Variants in PTPRK observed in about 807,000 individuals in gnomAD.
The protein encoded by PTPRK is receptor-type tyrosine-protein phosphatase kappa.
PTPRK carries 75 observed loss-of-function variants against 178.0 expected under a neutral mutation model. The ratio of observed to expected loss-of-function variants is 0.42; its 90% CI spans 0.35 to 0.51. PTPRK has a LOEUF of 0.51. Ranked by LOEUF, PTPRK falls within the 20% of genes least tolerant of loss-of-function variation. The pLI is 0.02. For synonymous variants in PTPRK, 637 were observed against 620.6 expected (o/e 1.03, Z -0.39); for missense variants, 1,441 against 1,797.8 (o/e 0.80, Z 3.59).
intron 6 of PTPRK, among the ~76,000 whole-genome samples, chr6:128,187,519 C>T (rs916183766): frequency 6.6e-6 from 1 of 152,188 alleles, no homozygotes; most frequent in Admixed American, 6.6e-5. Flanking sequence ...CATACACCAA[C>T]AAGCCCTGTG....
At chr6:128,385,016 C>A (rs1042737522) in intron 2 of PTPRK, among the ~76,000 whole-genome samples, 3 of 149,782 alleles carry the variant, frequency 2.0e-5, no homozygotes, top group African/African-American at 7.3e-5. Context: ...CTTGGAAGAG[C>A]TGAGTTTCCT....
At chr6:128,219,887 T>C (rs1378989276) in intron 5 of PTPRK, among the ~76,000 whole-genome samples, 1 of 152,216 alleles carries the variant, frequency 6.6e-6, no homozygotes. Context: ...AAACTAATGA[T>C]GAATAATTTA....
chr6:128,272,905 G>C (rs1820088827), intron 3 of PTPRK, among the ~76,000 whole-genome samples: 2 of 152,088 alleles, frequency 1.3e-5, no homozygotes, highest in African/African-American at 2.4e-5. Flanking sequence ...AAGACACACG[G>C]ACACGTATGT....
intron 7 of PTPRK, among the ~76,000 whole-genome samples, chr6:128,149,023 A>C (rs1392007481): frequency 6.6e-6 from 1 of 151,992 alleles, no homozygotes; most frequent in Non-Finnish European, 1.5e-5. Flanking sequence ...ATCTTACATA[A>C]ATGACTGATA....
At chr6:128,151,818 G>T (rs1583236189) in intron 7 of PTPRK, among the ~76,000 whole-genome samples, 2 of 151,842 alleles carry the variant, frequency 1.3e-5, no homozygotes, top group Non-Finnish European at 2.9e-5. Context: ...TACTATAGAG[G>T]CAAGAATGAT....
chr6:128,075,399 C>T (rs920608805), intron 11 of PTPRK, among the ~76,000 whole-genome samples: 3 of 152,004 alleles, frequency 2.0e-5, no homozygotes, highest in Admixed American at 6.6e-5. Flanking sequence ...CCAGCTTCAG[C>T]TGCTGTCAAT....
chr6:128,520,444 G>C lies in PTPRK; in HGVS notation c.-86C>G, dbSNP rs1415366264. 1.5e-6 allele frequency: 2 copies of C among 1,336,932 alleles called. No individual in the cohort carries two copies. Among genetic ancestry groups the C allele is most frequent in the Non-Finnish European group, 2.1e-6 (2 of 955,704 alleles). The allele number at this position is 1,336,932 out of a possible 1,614,324, so 82.8% of individuals were successfully genotyped here. ...AATCCACGACGGAGGAGCGGGCCGGGCCTCGCGGGGTGAGGACGGTGAGAG... is the reference window on the plus strand; with the variant it reads ...AATCCACGACGGAGGAGCGGGCCGGCCCTCGCGGGGTGAGGACGGTGAGAG... On this transcript the variant is annotated 5_prime_UTR_variant, in exon 1 of 30. Transcript: ENST00000368226.
intron 13 of PTPRK, among the ~76,000 whole-genome samples, chr6:128,010,665 A>C (rs1487421711): frequency 4.0e-5 from 6 of 151,356 alleles, no homozygotes; most frequent in African/African-American, 1.5e-4. Context: ...TGGTAATTTA[A>C]AGCTAAACTG....
chr6:128,285,958 C>G (rs946883300), intron 3 of PTPRK, among the ~76,000 whole-genome samples: 1 of 151,974 alleles, frequency 6.6e-6, no homozygotes, highest in Non-Finnish European at 1.5e-5. Flanking sequence ...TTGTTCGAAC[C>G]GTGATCCACG....
chr6:128,073,351 T>C (rs1783185132), intron 11 of PTPRK, among the ~76,000 whole-genome samples: 1 of 151,974 alleles, frequency 6.6e-6, no homozygotes, highest in Admixed American at 6.6e-5. Flanking sequence ...TAAGAAGGGA[T>C]AAGTGCTCTA....
At chr6:128,457,562 C>A (rs893222004) in intron 1 of PTPRK, among the ~76,000 whole-genome samples, 1 of 152,036 alleles carries the variant, frequency 6.6e-6, no homozygotes, top group Non-Finnish European at 1.5e-5. Flanking sequence ...TTTGCCAGGT[C>A]CTATATTTGC....
intron 10 of PTPRK, among the ~76,000 whole-genome samples, chr6:128,079,853 A>T (rs1562544025): frequency 6.6e-6 from 1 of 152,062 alleles, no homozygotes; most frequent in Non-Finnish European, 1.5e-5. Flanking sequence ...CCATTTGCCA[A>T]AACAGTGGTT....
At chr6:128,476,755 A>G (rs1368650030) in intron 1 of PTPRK, among the ~76,000 whole-genome samples, 1 of 152,052 alleles carries the variant, frequency 6.6e-6, no homozygotes, top group African/African-American at 2.4e-5. Context: ...ATGCATTCAT[A>G]GTTTTCAGGT....
chr6:128,502,603 G>A (rs1050883124), intron 1 of PTPRK, among the ~76,000 whole-genome samples: 6 of 152,164 alleles, frequency 3.9e-5, no homozygotes, highest in African/African-American at 9.7e-5. Flanking sequence ...GCCTATACCA[G>A]CTCCTGAAAG....
intron 2 of PTPRK, among the ~76,000 whole-genome samples, chr6:128,382,628 C>T (rs547103382): frequency 5.9e-5 from 9 of 151,650 alleles, no homozygotes; most frequent in Non-Finnish European, 8.8e-5. Context: ...TTAGTAGAGA[C>T]GGGGTTTTAC....
intron 1 of PTPRK, among the ~76,000 whole-genome samples, chr6:128,462,047 T>C (rs1849115456): frequency 6.6e-6 from 1 of 152,178 alleles, no homozygotes; most frequent in Non-Finnish European, 1.5e-5. Context: ...CAGGCTATAC[T>C]CCAACTCCTG....
At chr6:128,085,447 C>T (rs1332883437) in intron 8 of PTPRK, among the ~76,000 whole-genome samples, 2 of 152,096 alleles carry the variant, frequency 1.3e-5, no homozygotes, top group African/African-American at 4.8e-5. Context: ...TTCATCCTTA[C>T]GTATCTCTCA....
chr6:128,078,825 C>T lies in PTPRK; in HGVS notation c.1871G>A (p.Gly624Asp). ...TVLLRPAQAK[G>D]APISAYQIVV... is the part of the protein sequence containing the mutation. The stretch of plus-strand genomic sequence containing the variant: ...TTTCTCCTCTTACCTGATAGGAGCA[C>T]CTTTGGCTTGTGCTGGTCTCAACAA... The change falls in exon 11 of 30, where the codon GGT becomes GAT. Residue 624 changes from glycine to aspartate, a missense_variant. By Grantham distance (94) the Gly-to-Asp change is moderately conservative (BLOSUM62 -1). Transcript: ENST00000368226. 6.2e-7 allele frequency: 1 copy of T among 1,609,160 alleles called. No homozygotes were observed. The highest frequency in any genetic ancestry group is 8.5e-7 in the Non-Finnish European group (1 of 1,176,040).
Position 128,203,233 on chromosome 6 carries a change from G to A in PTPRK, c.868+15689C>T, listed in dbSNP as rs577609266. ...TTCAATGGAATTCAATATCTCTTCA[G>A]GTTAAAAACTCTCAATAAACCAATG... On this transcript the variant is annotated intron_variant, in intron 6 of 29. Transcript: ENST00000368226. 5.9e-5 allele frequency among the ~76,000 whole-genome samples: 9 copies of A among 152,200 alleles called. 1 individual carries two copies. The highest frequency in any genetic ancestry group is 2.2e-4 in the African/African-American group (9 of 41,540).
Sources: gnomAD v4.1 joint callset for allele counts (sites outside exome capture counted in the v4.1 genomes callset) on GRCh38, gnomAD v4.1.1 for gene constraint, MANE v1.5 for transcripts, NCBI Gene and HGNC (gene_info 2026-07-23, HGNC 2026-07-21) for gene names.